Variants in GBGT1 observed in about 807,000 individuals in gnomAD.
The protein encoded by GBGT1 is globoside alpha-1,3-N-acetylgalactosaminyltransferase 1.
Under a neutral mutation model 20.9 loss-of-function variants are expected in GBGT1, and 18 were observed. The observed-to-expected ratio is 0.86, with a 90% CI of 0.60 to 1.28. GBGT1 has a LOEUF of 1.28. Ranked by LOEUF, GBGT1 falls within the 50% of genes most tolerant of loss-of-function variation. GBGT1 has a pLI of 0.00. For missense variants in GBGT1, 432 were observed against 455.7 expected (o/e 0.95, Z 0.47); for synonymous variants, 168 against 180.8 (o/e 0.93, Z 0.57).
intron 3 of GBGT1, among the ~76,000 whole-genome samples, chr9:133,157,941 T>C (rs906016164): frequency 6.6e-6 from 1 of 152,022 alleles, no homozygotes; most frequent in African/African-American, 2.4e-5. Context: ...GGTCGAGAGA[T>C]CGAGACCATC....
At chr9:133,156,372 C>T (rs942885099) in intron 3 of GBGT1, among the ~76,000 whole-genome samples, 9 of 152,180 alleles carry the variant, frequency 5.9e-5, no homozygotes, top group Non-Finnish European at 1.2e-4. Context: ...ATGTGAAAAC[C>T]TGCAAAGGGC....
chr9:133,160,070 G>T (rs1239537349), intron 3 of GBGT1: 1 of 206,410 alleles, frequency 4.8e-6, no homozygotes, highest in South Asian at 5.2e-5. Flanking sequence ...AGGGGGCGAA[G>T]CCTGGCCGAA....
chr9:133,159,417 A>G (rs1832967986), intron 3 of GBGT1, among the ~76,000 whole-genome samples: 1 of 152,256 alleles, frequency 6.6e-6, no homozygotes, highest in Non-Finnish European at 1.5e-5. Flanking sequence ...CAAACAGCCC[A>G]GCATTCTGTG....
At chr9:133,155,591 A>C (rs1357328041) in intron 5 of GBGT1, among the ~76,000 whole-genome samples, 1 of 152,222 alleles carries the variant, frequency 6.6e-6, no homozygotes, top group Non-Finnish European at 1.5e-5. Flanking sequence ...CGTTGTTATG[A>C]ACAATGGCCT....
chr9:133,160,577 T>C (rs2119322115), intron 3 of GBGT1, among the ~76,000 whole-genome samples: 1 of 152,188 alleles, frequency 6.6e-6, no homozygotes, highest in East Asian at 1.9e-4. Context: ...ATCTTTGAAA[T>C]GGAGAAAGGG....
At chr9:133,158,290 CT>C (rs1274494171) in intron 3 of GBGT1, among the ~76,000 whole-genome samples, 1 of 152,066 alleles carries the variant, frequency 6.6e-6, no homozygotes, top group Non-Finnish European at 1.5e-5. Flanking sequence ...TCTTTCTTTT[CT>C]TTTTTGAGGT....
chr9:133,155,648 C>T (rs1057293998), intron 5 of GBGT1, among the ~76,000 whole-genome samples: 3 of 152,240 alleles, frequency 2.0e-5, no homozygotes, highest in Non-Finnish European at 4.4e-5. Context: ...CAATACCTCT[C>T]ATCTGCTCCT....
In GBGT1 at chr9:133,155,151, C is replaced by G. The variant is rs137949279; in HGVS notation, c.359+27G>C. On this transcript the variant is annotated intron_variant, in intron 6 of 6. Transcript: ENST00000372040. Reference sequence around the variant, plus strand: ...AACTCCTGTGGCTCAGGGAGACCTCCCTCCCCTTCCCCAGCCCACTACTCA... The same window carrying G: ...AACTCCTGTGGCTCAGGGAGACCTCGCTCCCCTTCCCCAGCCCACTACTCA... 4.1e-5 allele frequency: 66 copies of G among 1,604,652 alleles called. No individual in the cohort carries two copies. The East Asian group carries it at 1.4e-3, about 35-fold the overall frequency.
rs1832766045 is a variant in GBGT1, at chr9:133,153,428, T to A, written c.*149A>T. ...GTGTGCTACTGTGTGCACAGCCCTC[T>A]GCAGTTCACAGTGGCCTTTCCACGT... On this transcript the variant is annotated 3_prime_UTR_variant, in exon 7 of 7. Transcript: ENST00000372040. 1 of 585,548 alleles carries A rather than the reference T, an allele frequency of 1.7e-6. No homozygotes were observed. Among genetic ancestry groups the A allele is most frequent in the Admixed American group, 3.1e-5 (1 of 32,166 alleles). The allele number at this position is 585,548 out of a possible 1,614,324, so 36.3% of individuals were successfully genotyped here.
At chr9:133,155,142 G>T in intron 6 of GBGT1, 36 bp downstream of exon 6, 1 of 1,596,474 alleles carries the variant, frequency 6.3e-7, no homozygotes, top group Middle Eastern at 1.7e-4. Flanking sequence ...TGTGGCTCAG[G>T]GAGACCTCCC....
In GBGT1 at chr9:133,153,319, G is replaced by A. The variant is rs34521891; in HGVS notation, c.*258C>T. 3,055 of 360,728 alleles carry A rather than the reference G, an allele frequency of 8.5e-3. 90 individuals carry two copies. Among genetic ancestry groups the A allele is most frequent in the African/African-American group, 0.055 (2,623 of 47,790 alleles). The allele number at this position is 360,728 out of a possible 1,614,324, so 22.3% of individuals were successfully genotyped here. Reference sequence around the variant, plus strand: ...CGCAAAGGCACGGCTGCAGAACGTGGCAAGCCTGCCGGGCCCTGCCTTTGT... The same window carrying A: ...CGCAAAGGCACGGCTGCAGAACGTGACAAGCCTGCCGGGCCCTGCCTTTGT... On this transcript the variant is annotated 3_prime_UTR_variant, in exon 7 of 7. Coordinates refer to ENST00000372040, the MANE Select transcript of GBGT1 (RefSeq NM_021996.6).
In GBGT1 at chr9:133,154,093, C is replaced by A; in HGVS notation, c.528G>T (p.Trp176Cys). The change falls in exon 7 of 7, where the codon TGG (tryptophan) becomes TGT (cysteine). Residue 176 changes from tryptophan (W) to cysteine (C), a missense_variant. Trp to Cys is a radical substitution (Grantham distance 215). Coordinates refer to ENST00000372040, the MANE Select transcript of GBGT1 (RefSeq NM_021996.6). The surrounding 1 kb of genome is among the most constrained non-coding windows in gnomAD (Gnocchi z 4.2). ...SSIPIQGHSH[W>C]EETSMRRMET... ...CCATCCGGCGCATGGATGTCTCCTCCCAGTGGGAGTGACCCTGGATGGGGA... is the reference window on the plus strand; with the variant it reads ...CCATCCGGCGCATGGATGTCTCCTCACAGTGGGAGTGACCCTGGATGGGGA... 1 of 1,613,100 alleles carries A rather than the reference C, an allele frequency of 6.2e-7. No individual in the cohort carries two copies.
chr9:133,162,472 G>T lies in GBGT1; in HGVS notation c.-60C>A. The T allele has an allele frequency of 1.4e-6, 2 of 1,404,808 alleles. No homozygotes were observed. Among genetic ancestry groups the T allele is most frequent in the South Asian group, 1.2e-5 (1 of 82,004 alleles). 87.0% of individuals were successfully genotyped at this position (1,404,808 alleles called of 1,614,324 possible). On this transcript the variant is annotated 5_prime_UTR_variant, in exon 2 of 7. Coordinates refer to ENST00000372040, the MANE Select transcript of GBGT1 (RefSeq NM_021996.6). ...GAGACCCCCACTGGCCTGGGCGGAT[G>T]AGGCTGTCCCCTCGCAGGGATGTCA...
chr9:133,153,623 A>G lies in GBGT1; in HGVS notation c.998T>C (p.Ile333Thr), dbSNP rs773917693. 2 of 1,593,710 alleles carry G rather than the reference A, an allele frequency of 1.3e-6. No homozygotes were observed. The highest frequency in any genetic ancestry group is 1.7e-4 in the Middle Eastern group (1 of 5,976). Residue 333 changes from isoleucine (I) to threonine (T), a missense_variant, in exon 7 of 7, where the codon ATC (isoleucine) becomes ACC (threonine). Coordinates refer to ENST00000372040, the MANE Select transcript of GBGT1 (RefSeq NM_021996.6). ...RKPQPPSLKLIRFSTLDKDIS... is the reference protein window; with the variant it reads ...RKPQPPSLKLTRFSTLDKDIS... The stretch of plus-strand genomic sequence containing the variant: ...ATCCTTGTCCAGTGTAGAAAAGCGG[A>G]TCAGCTTCAGGCTGGGTGGCTGGGG...
chr9:133,161,827 C>T (rs1833054956), intron 2 of GBGT1, among the ~76,000 whole-genome samples: 1 of 152,198 alleles, frequency 6.6e-6, no homozygotes, highest in Non-Finnish European at 1.5e-5. Flanking sequence ...GGGGCAGCCC[C>T]AGGAGCTTCA....
chr9:133,156,951 C>A (rs1832887945), intron 3 of GBGT1, among the ~76,000 whole-genome samples: 1 of 152,102 alleles, frequency 6.6e-6, no homozygotes, highest in African/African-American at 2.4e-5. Flanking sequence ...TCCTAGACAA[C>A]CTGGGTGGGA....
rs370561857 is a variant in GBGT1, at chr9:133,156,252, G to C, written c.138-187C>G. The C allele has an allele frequency of 4.1e-5, 26 of 627,146 alleles. 1 individual carries two copies. The African/African-American group carries it at 4.8e-4, about 11-fold the overall frequency. The allele number at this position is 627,146 out of a possible 1,614,324, so 38.8% of individuals were successfully genotyped here. A position where few individuals can be genotyped will look rare whatever the true frequency, so the allele number is the denominator to read the frequency against. On this transcript the variant is annotated intron_variant, in intron 3 of 6. Coordinates refer to ENST00000372040, the MANE Select transcript of GBGT1 (RefSeq NM_021996.6). ...CTGGGGACCCCTACAGAAGTGATCT[G>C]TCCAGGGTCACTGAGAGAGTAAGTG... is the stretch of plus-strand genomic sequence containing the variant.
In GBGT1 at chr9:133,153,689, G is replaced by A. The variant is rs1468473983; in HGVS notation, c.932C>T (p.Ser311Phe). 3.1e-6 allele frequency: 5 copies of A among 1,613,848 alleles called. No homozygotes were observed. The East Asian group carries it at 8.9e-5, about 29-fold the overall frequency. Residue 311 changes from serine to phenylalanine, a missense_variant, in exon 7 of 7, where the codon TCC becomes TTC. Physicochemically the swap from Ser to Phe is radical, Grantham distance 155. Transcript: ENST00000372040. ...LNRHFISNKPSKVLSPEYLWD... is the reference protein window; with the variant it reads ...LNRHFISNKPFKVLSPEYLWD... Reference sequence around the variant, plus strand: ...GAGGTACTCGGGGGACAGCACCTTGGACGGCTTGTTTGAGATGAAGTGACG... The same window carrying A: ...GAGGTACTCGGGGGACAGCACCTTGAACGGCTTGTTTGAGATGAAGTGACG...
rs1434800718 is a variant in GBGT1, at chr9:133,155,951, G to A, written c.189-15C>T. ...GGTACTGTGACCTGCAACCAAGAAG[G>A]ACCAGTGATGGAGGAGAGCCACCAC... On this transcript the variant is annotated splice_polypyrimidine_tract_variant and intron_variant, in intron 4 of 6. Coordinates refer to ENST00000372040, the MANE Select transcript of GBGT1 (RefSeq NM_021996.6). 6 of 1,614,012 alleles carry A rather than the reference G, an allele frequency of 3.7e-6. No individual in the cohort carries two copies. The Admixed American group carries it at 8.3e-5, about 22-fold the overall frequency.
Sources: allele counts gnomAD v4.1 joint callset (sites outside exome capture counted in the v4.1 genomes callset), GRCh38; gene constraint gnomAD v4.1.1; non-coding constraint Gnocchi (gnomAD v3.1); transcripts MANE v1.5; gene names NCBI Gene and HGNC (gene_info 2026-07-23, HGNC 2026-07-21).